GALNT5: variants seen among roughly 807,000 people sequenced by gnomAD.
The protein encoded by GALNT5 is UDP-GalNAc:polypeptide N-acetylgalactosaminyltransferase 5.
Under a neutral mutation model 85.4 loss-of-function variants are expected in GALNT5, and 72 were observed. The observed-to-expected ratio is 0.84, with a 90% CI of 0.70 to 1.03. GALNT5 has a LOEUF of 1.03. Ranked by LOEUF, GALNT5 falls within the 50% of genes least tolerant of loss-of-function variation. GALNT5 has a pLI of 0.00. For missense variants in GALNT5, 1,137 were observed against 1,135.5 expected (o/e 1.00, Z -0.02); for synonymous variants, 404 against 397.0 (o/e 1.02, Z -0.21).
Position 157,286,023 on chromosome 2 carries a change from A to G in GALNT5, c.1630A>G (p.Lys544Glu). ...TCTTTACTCTGATGTAGACTATCTA[A>G]AAGATAATTTGGATAAATACATGTC... ...VDDFSTKDYL[K>E]DNLDKYMSQF... is the part of the protein sequence containing the mutation. The change falls in exon 3 of 10, where the codon AAA (lysine) becomes GAA (glutamate). Residue 544 changes from lysine (K) to glutamate (E), a missense_variant. Physicochemically the swap from Lys to Glu is moderately conservative, Grantham distance 56 (BLOSUM62 1). Coordinates refer to ENST00000259056, the MANE Select transcript of GALNT5 (RefSeq NM_014568.3). The G allele has an allele frequency of 6.3e-7, 1 of 1,597,792 alleles. No homozygotes were observed. The highest frequency in any genetic ancestry group is 8.6e-7 in the Non-Finnish European group (1 of 1,165,324).
rs775087782 is a variant in GALNT5 at position 157,259,429 on chromosome 2, T to C, written c.1347T>C (p.His449=). The C allele has an allele frequency of 4.8e-6, 7 of 1,473,244 alleles. No homozygotes were observed. Among genetic ancestry groups the C allele is most frequent in the Middle Eastern group, 1.8e-4 (1 of 5,500 alleles). 91.3% of individuals were successfully genotyped at this position (1,473,244 alleles called of 1,614,324 possible). A position where few individuals can be genotyped will look rare whatever the true frequency, so the allele number is the denominator to read the frequency against. Residue 449 remains histidine (H), a synonymous_variant, in exon 1 of 10, where the codon CAT becomes CAC. Coordinates refer to ENST00000259056, the MANE Select transcript of GALNT5 (RefSeq NM_014568.3). Reference sequence around the variant, plus strand: ...TTGGGCGTCCTGTAGTTGTCCCCCATGGAAAGGAGAAGGAGGCAGAAAGAA... The same window carrying C: ...TTGGGCGTCCTGTAGTTGTCCCCCACGGAAAGGAGAAGGAGGCAGAAAGAA... ...GQFGRPVVVP[H]GKEKEAERRW...
At chr2:157,266,177 C>T (rs1035194154) in intron 1 of GALNT5, among the ~76,000 whole-genome samples, 2 of 152,162 alleles carry the variant, frequency 1.3e-5, no homozygotes, top group Admixed American at 1.3e-4. Flanking sequence ...GGCCTTTCAT[C>T]CTTCAGGCAT....
At chr2:157,264,204 C>T (rs1287745618) in intron 1 of GALNT5, among the ~76,000 whole-genome samples, 1 of 150,862 alleles carries the variant, frequency 6.6e-6, no homozygotes, top group Non-Finnish European at 1.5e-5. Context: ...CACACACACA[C>T]GTACACACAG....
chr2:157,296,015 A>G (rs970406216), intron 4 of GALNT5, among the ~76,000 whole-genome samples: 3 of 152,188 alleles, frequency 2.0e-5, no homozygotes, highest in Middle Eastern at 3.2e-3. Context: ...AACTCTAAAT[A>G]CCAATAAATC....
intron 7 of GALNT5, among the ~76,000 whole-genome samples, chr2:157,304,054 C>T (rs1464218530): frequency 6.6e-6 from 1 of 152,204 alleles, no homozygotes; most frequent in East Asian, 1.9e-4. Flanking sequence ...AATATTTCTG[C>T]ATGATCCACA....
chr2:157,278,929 T>C (rs1019909617), intron 1 of GALNT5, among the ~76,000 whole-genome samples: 11 of 152,240 alleles, frequency 7.2e-5, no homozygotes, highest in Non-Finnish European at 1.6e-4. Context: ...TTTTCTGCCC[T>C]GGTTTCTCCC....
In GALNT5 at chr2:157,315,398, C is replaced by A. The variant is rs1299678961; in HGVS notation, c.*4050C>A. ...TTTATCTGGCTCAAAAAAAATTTCT[C>A]TCACTATACCATGCTGCTATATAAT... On this transcript the variant is annotated 3_prime_UTR_variant, in exon 10 of 10. Transcript: ENST00000259056. Among the ~76,000 whole-genome samples the A allele has an allele frequency of 6.6e-6, 1 of 152,180 alleles. No individual in the cohort carries two copies. Among genetic ancestry groups the A allele is most frequent in the Non-Finnish European group, 1.5e-5 (1 of 68,038 alleles).
chr2:157,289,995 C>T (rs569536706), intron 3 of GALNT5, among the ~76,000 whole-genome samples: 53 of 151,250 alleles, frequency 3.5e-4, no homozygotes, highest in Non-Finnish European at 6.2e-4. Flanking sequence ...ATCTCTTGAA[C>T]CCGGGAGGCG....
In GALNT5 at chr2:157,258,254, A is replaced by G; in HGVS notation, c.172A>G (p.Arg58Gly). 6.2e-7 allele frequency: 1 copy of G among 1,611,286 alleles called. No homozygotes were observed. The highest frequency in any genetic ancestry group is 1.7e-5 in the Admixed American group (1 of 59,544). The change falls in exon 1 of 10, where the codon AGA (arginine) becomes GGA (glycine). Residue 58 changes from arginine to glycine, a missense_variant. By Grantham distance (125) the Arg-to-Gly change is moderately radical. Transcript: ENST00000259056. ...TGTGAGGAGGGAGCGGATAGGATTC[A>G]GAGTTCAGCCAGACCAAGGAAAAAT... ...DIVRRERIGF[R>G]VQPDQGKIFY...
intron 3 of GALNT5, among the ~76,000 whole-genome samples, chr2:157,291,121 GGAA>G (rs1220364621): frequency 1.3e-5 from 2 of 152,110 alleles, no homozygotes; most frequent in African/African-American, 4.8e-5. Flanking sequence ...GAGATATCAG[GGAA>G]GAAGTAGATC....
chr2:157,300,865 G>T lies in GALNT5; in HGVS notation c.2305G>T (p.Asp769Tyr). The T allele has an allele frequency of 5.6e-6, 9 of 1,613,930 alleles. No homozygotes were observed. Among genetic ancestry groups the T allele is most frequent in the Non-Finnish European group, 7.6e-6 (9 of 1,179,886 alleles). ...CTATGGCCACGGAGACCACCTCATC[G>T]ACCAAGGGCTAGATGTTGGCAACCT... ...LFYGHGDHLI[D>Y]QGLDVGNLTQ... Residue 769 changes from aspartate to tyrosine, a missense_variant, in exon 7 of 10, where the codon GAC (aspartate) becomes TAC (tyrosine). Physicochemically the swap from Asp to Tyr is radical, Grantham distance 160 (BLOSUM62 -3). Transcript: ENST00000259056.
chr2:157,273,429 T>C (rs564345022), intron 1 of GALNT5, among the ~76,000 whole-genome samples: 1 of 152,102 alleles, frequency 6.6e-6, no homozygotes, highest in South Asian at 2.1e-4. Context: ...AGTTTCAATA[T>C]GATAGTTCAT....
In GALNT5 at chr2:157,308,747, C is replaced by A. The variant is rs1262375191; in HGVS notation, c.2682+19C>A. On this transcript the variant is annotated intron_variant, in intron 9 of 9. Transcript: ENST00000259056. ...AGAACTGGTAAGCAAAAGATTGGTA[C>A]CTCTTCTTTACCACAAATTTGACTT... The A allele has an allele frequency of 1.3e-6, 2 of 1,586,930 alleles. No homozygotes were observed. Among genetic ancestry groups the A allele is most frequent in the Non-Finnish European group, 1.7e-6 (2 of 1,165,584 alleles).
intron 3 of GALNT5, among the ~76,000 whole-genome samples, chr2:157,292,993 C>T (rs1683132343): frequency 6.6e-6 from 1 of 152,200 alleles, no homozygotes; most frequent in Non-Finnish European, 1.5e-5. Context: ...TGAGCCACCA[C>T]ACCCGGCCAG....
chr2:157,292,927 C>T (rs1225884017), intron 3 of GALNT5, among the ~76,000 whole-genome samples: 2 of 152,178 alleles, frequency 1.3e-5, no homozygotes, highest in Non-Finnish European at 2.9e-5. Context: ...TGGCCTTGAT[C>T]TCTCAGCCTC....
At chr2:157,289,798 G>T (rs1334504899) in intron 3 of GALNT5, among the ~76,000 whole-genome samples, 2 of 152,002 alleles carry the variant, frequency 1.3e-5, no homozygotes, top group Non-Finnish European at 2.9e-5. Flanking sequence ...ATATGGCTGG[G>T]TGGTGGCTCA....
chr2:157,301,660 A>G (rs888738237), intron 7 of GALNT5: 1 of 152,430 alleles, frequency 6.6e-6, no homozygotes, highest in Admixed American at 6.5e-5. Context: ...CCTTGTAAGC[A>G]AAGTAAGGAT....
At chr2:157,308,047 C>T (rs968699578) in intron 8 of GALNT5, among the ~76,000 whole-genome samples, 9 of 152,168 alleles carry the variant, frequency 5.9e-5, no homozygotes, top group Admixed American at 2.0e-4. Context: ...TTCCTACAAT[C>T]GGACAAAGCC....
At chr2:157,301,947 G>A (rs1047125852) in intron 7 of GALNT5, among the ~76,000 whole-genome samples, 9 of 152,216 alleles carry the variant, frequency 5.9e-5, no homozygotes, top group Admixed American at 4.6e-4. Context: ...CTGGGGAAAA[G>A]CCATTTCAAA....
Sources: gnomAD v4.1 joint callset for allele counts (sites outside exome capture counted in the v4.1 genomes callset) on GRCh38, gnomAD v4.1.1 for gene constraint, MANE v1.5 for transcripts, NCBI Gene and HGNC (gene_info 2026-07-23, HGNC 2026-07-21) for gene names.